The following USP36 variants were observed in gnomAD, a reference collection of about 807,000 sequenced individuals.
USP36 encodes the protein ubiquitin specific peptidase 36.
A neutral mutation model predicts 111.5 loss-of-function variants in USP36; 59 were observed. The observed-to-expected ratio is 0.53, with a 90% confidence interval of 0.43 to 0.66. USP36 has a LOEUF of 0.66. Among genes scored for constraint, USP36 ranks in the 30% least tolerant of loss-of-function variants. The pLI, the probability that USP36 is intolerant of heterozygous loss-of-function variation, is 0.00. For synonymous variants in USP36, 628 were observed against 581.0 expected (o/e 1.08, Z -1.16); for missense variants, 1,488 against 1,468.0 (o/e 1.01, Z -0.22).
At chr17:78,828,311 T>G (rs1488112205) in intron 5 of USP36, among the ~76,000 whole-genome samples, 1 of 152,204 alleles carries the variant, frequency 6.6e-6, no homozygotes, top group African/African-American at 2.4e-5. Context: ...TACACAGATT[T>G]CAAAAACCGG....
At chr17:78,835,744 C>T (rs1318499382) in intron 3 of USP36, among the ~76,000 whole-genome samples, 1 of 152,030 alleles carries the variant, frequency 6.6e-6, no homozygotes, top group African/African-American at 2.4e-5. Context: ...AGATGGAGGA[C>T]ACAGCTCAGA....
At chr17:78,821,420 A>ATATATTTTTTT (rs1192213715) in intron 7 of USP36, 1 of 34,568 alleles carries the variant, frequency 2.9e-5, no homozygotes, top group African/African-American at 1.6e-4. Flanking sequence ...ATATATATAT[A>ATATATTTTTTT]TTTTTTTTTT....
At chr17:78,804,625 T>TAAA (rs35371422) in intron 15 of USP36, among the ~76,000 whole-genome samples, 10 of 38,342 alleles carry the variant, frequency 2.6e-4, no homozygotes, top group African/African-American at 7.2e-4. Context: ...CCCTGAGATT[T>TAAA]AAAAAAAAAA....
At chr17:78,806,841 C>G (rs1026741280) in intron 14 of USP36, 118 bp downstream of exon 14, 2 of 1,383,730 alleles carry the variant, frequency 1.4e-6, no homozygotes, top group Non-Finnish European at 2.0e-6. Context: ...CACTTTGTTC[C>G]TCTAACATGA....
In USP36 at chr17:78,800,738, G is replaced by A. The variant is rs115746476; in HGVS notation, c.3023-970C>T. 4.5e-3 allele frequency among the ~76,000 whole-genome samples: 687 copies of A among 152,316 alleles called. 5 individuals carry two copies. The highest frequency in any genetic ancestry group is 0.015 in the African/African-American group (643 of 41,572). ...TCCTCAGGTGCACAGGACTGCAAGAGCCCATGCGGCCCCCAGCGCCTCCTT... is the reference window on the plus strand; with the variant it reads ...TCCTCAGGTGCACAGGACTGCAAGAACCCATGCGGCCCCCAGCGCCTCCTT... On this transcript the variant is annotated intron_variant, in intron 17 of 20. Coordinates refer to ENST00000449938, the MANE Select transcript of USP36 (RefSeq NM_001385174.1).
In USP36 at chr17:78,796,905, T is replaced by G. The variant is rs2093637793; in HGVS notation, c.*995A>C. Reference sequence around the variant, plus strand: ...ACCTTCTCTGAGGATTTCCTGTATTTATTAAGTTACAAGTTGGCAGGCACA... The same window carrying G: ...ACCTTCTCTGAGGATTTCCTGTATTGATTAAGTTACAAGTTGGCAGGCACA... On this transcript the variant is annotated 3_prime_UTR_variant, in exon 21 of 21. Coordinates refer to ENST00000449938, the MANE Select transcript of USP36 (RefSeq NM_001385174.1). 6.6e-6 allele frequency: 1 copy of G among 152,266 alleles called. No homozygotes were observed. The allele number at this position is 152,266 out of a possible 1,614,324, so 9.4% of individuals were successfully genotyped here.
rs1346331923 is a variant in USP36 at position 78,820,029 on chromosome 17, CAG to C, written c.829-19_829-18del. ...CGCAGCTTGCTGAGGAGGACAAAAA[CAG>C]GGAGTAAAATACACAGCAGAGGAAA... On this transcript the variant is annotated intron_variant, in intron 8 of 20. Transcript: ENST00000449938. The C allele has an allele frequency of 5.0e-6, 8 of 1,613,624 alleles. No homozygotes were observed. The highest frequency in any genetic ancestry group is 1.6e-4 in the Middle Eastern group (1 of 6,082).
chr17:78,816,142 GAAAAACATAC>G (rs1409901948), intron 10 of USP36, among the ~76,000 whole-genome samples: 3 of 151,536 alleles, frequency 2.0e-5, no homozygotes, highest in African/African-American at 7.3e-5. Context: ...TAGGAACTCC[GAAAAACATAC>G]GCATAATTTT....
intron 13 of USP36, among the ~76,000 whole-genome samples, chr17:78,810,858 T>C (rs2094032072): frequency 6.6e-6 from 1 of 152,030 alleles, no homozygotes; most frequent in Non-Finnish European, 1.5e-5. Flanking sequence ...CTCATGCCTG[T>C]ATCCCAGGAC....
intron 4 of USP36, among the ~76,000 whole-genome samples, chr17:78,830,051 C>T (rs1345631463): frequency 6.6e-6 from 1 of 152,176 alleles, no homozygotes. Context: ...GACAGTGGTA[C>T]ATTTTTACCT....
Position 78,806,159 on chromosome 17 carries a change from G to A in USP36, c.2213C>T (p.Ala738Val), listed in dbSNP as rs777476912. ...AAGATCCCGGCCCAAAGCTTACCTG[G>A]CTCTATGGACGGGCCAAGTGGAGGC... ...VVASTWPVHRARAVSPAPQSS... is the reference protein window; with the variant it reads ...VVASTWPVHRVRAVSPAPQSS... Residue 738 changes from alanine (A) to valine (V), a missense_variant, in exon 15 of 21, where the codon GCC becomes GTC. Ala to Val is a moderately conservative substitution (Grantham distance 64, BLOSUM62 0). Coordinates refer to ENST00000449938, the MANE Select transcript of USP36 (RefSeq NM_001385174.1). 1.9e-6 allele frequency: 3 copies of A among 1,613,362 alleles called. No homozygotes were observed. The highest frequency in any genetic ancestry group is 1.7e-6 in the Non-Finnish European group (2 of 1,179,902).
In USP36 at chr17:78,807,301, G is replaced by A; in HGVS notation, c.1743C>T (p.Thr581=). 6.2e-7 allele frequency: 1 copy of A among 1,614,198 alleles called. No individual in the cohort carries two copies. The highest frequency in any genetic ancestry group is 8.5e-7 in the Non-Finnish European group (1 of 1,180,016). Residue 581 remains threonine, a synonymous_variant, in exon 14 of 21, where the codon ACC becomes ACT. Transcript: ENST00000449938. ...TGGCTGTAGCCAGGAGCTTAGGTGAGGTAGAGAGGACAACATCCCTGCTGT... is the reference window on the plus strand; with the variant it reads ...TGGCTGTAGCCAGGAGCTTAGGTGAAGTAGAGAGGACAACATCCCTGCTGT... The part of the protein sequence containing the change: ...SWDSRDVVLS[T]SPKLLATATA...
chr17:78,789,761 T>A (rs1216339998), intron 3 of USP36, among the ~76,000 whole-genome samples: 1 of 152,218 alleles, frequency 6.6e-6, no homozygotes, highest in Non-Finnish European at 1.5e-5. Context: ...GTTTGGGCGT[T>A]CACTTCAAAT....
chr17:78,835,858 G>GT (rs1231698828), intron 3 of USP36, among the ~76,000 whole-genome samples: 2 of 152,164 alleles, frequency 1.3e-5, no homozygotes, highest in African/African-American at 4.8e-5. Flanking sequence ...ACTTTCGACT[G>GT]TATTATACTT....
At chr17:78,835,606 C>A (rs1030978194) in intron 3 of USP36, 105 bp from the exon 4 acceptor site, 21 of 1,092,778 alleles carry the variant, frequency 1.9e-5, no homozygotes, top group Non-Finnish European at 2.8e-5. Context: ...TGCAGTGACT[C>A]GGAACATGGC....
At chr17:78,819,625 C>T (rs1298168303) in intron 9 of USP36, among the ~76,000 whole-genome samples, 3 of 152,252 alleles carry the variant, frequency 2.0e-5, no homozygotes, top group Non-Finnish European at 2.9e-5. Flanking sequence ...GGCCCCATGG[C>T]TGGTCACTTC....
chr17:78,793,601 A>C (rs995362412), downstream of USP36, among the ~76,000 whole-genome samples: 1 of 152,114 alleles, frequency 6.6e-6, no homozygotes, highest in Non-Finnish European at 1.5e-5. Flanking sequence ...GCCCGTCTGC[A>C]TGTCACGTGA....
At chr17:78,823,042 C>T (rs144889726) in intron 6 of USP36, 328 of 398,616 alleles carry the variant, frequency 8.2e-4, no homozygotes, top group Middle Eastern at 7.6e-3. Context: ...ATTCCACACC[C>T]GCAGGCTACA....
chr17:78,787,979 G>C (rs1315326743), intron 3 of USP36, among the ~76,000 whole-genome samples: 1 of 152,218 alleles, frequency 6.6e-6, no homozygotes, highest in East Asian at 1.9e-4. Context: ...GGGAGAGGCT[G>C]GATTCTCCCC....
Sources: gnomAD v4.1 joint callset for allele counts (sites outside exome capture counted in the v4.1 genomes callset) on GRCh38, gnomAD v4.1.1 for gene constraint, MANE v1.5 for transcripts, NCBI Gene and HGNC (gene_info 2026-07-23, HGNC 2026-07-21) for gene names.